Variants in FSCN1 observed in about 807,000 individuals in gnomAD.
FSCN1 encodes fascin.
A neutral mutation model predicts 39.7 loss-of-function variants in FSCN1; 10 were observed. The ratio of observed to expected loss-of-function variants is 0.25; its 90% CI spans 0.16 to 0.43. FSCN1 has a LOEUF of 0.43. Among genes scored for constraint, FSCN1 ranks in the 20% least tolerant of loss-of-function variants. The pLI is 1.00. For missense variants in FSCN1, 525 were observed against 723.8 expected, an observed-to-expected ratio of 0.73 and a Z score of 3.15; for synonymous variants, 322 against 320.0, an observed-to-expected ratio of 1.01 and a Z score of -0.07.
chr7:5,594,549 C>T (rs1428168139), intron 1 of FSCN1: 2 of 152,310 alleles, frequency 1.3e-5, no homozygotes, highest in African/African-American at 4.8e-5. Context: ...AGGGGATCGG[C>T]TTTTGCGGTT....
rs1275786730 is a variant in FSCN1, at chr7:5,606,257, G to T, written c.*783G>T. 6.6e-6 allele frequency: 1 copy of T among 152,166 alleles called. No homozygotes were observed. Among genetic ancestry groups the T allele is most frequent in the African/African-American group, 2.4e-5 (1 of 41,418 alleles). The allele number at this position is 152,166 out of a possible 1,614,324, so 9.4% of individuals were successfully genotyped here. A position where few individuals can be genotyped will look rare whatever the true frequency, so the allele number is the denominator to read the frequency against. ...TTTTTTTTAATGAAATATTATTGCT[G>T]GAGGCGTCCCAGGCAAGCCTGGCTG... On this transcript the variant is annotated 3_prime_UTR_variant, in exon 5 of 5. Transcript: ENST00000382361. This position sits in a 1 kb window ranked among gnomAD's most constrained non-coding sequence, Gnocchi z 5.1.
chr7:5,592,817 TG>T lies in FSCN1; in HGVS notation c.-118del. On this transcript the variant is annotated 5_prime_UTR_variant, in exon 1 of 5. Coordinates refer to ENST00000382361, the MANE Select transcript of FSCN1 (RefSeq NM_003088.4). This position sits in a 1 kb window ranked among gnomAD's most constrained non-coding sequence, Gnocchi z 5.3. Reference sequence around the variant, plus strand: ...CCGGGGCGCCGCTAGCTGGGCTTTGTGGAGCGCTGCGGAGGGTGCGTGCGGG... The same window carrying T: ...CCGGGGCGCCGCTAGCTGGGCTTTGTGAGCGCTGCGGAGGGTGCGTGCGGG... The T allele has an allele frequency of 1.6e-6, 1 of 610,342 alleles. No individual in the cohort carries two copies. Among genetic ancestry groups the T allele is most frequent in the Non-Finnish European group, 2.8e-6 (1 of 359,470 alleles). The allele number at this position is 610,342 out of a possible 1,614,324, so 37.8% of individuals were successfully genotyped here.
intron 4 of FSCN1, among the ~76,000 whole-genome samples, chr7:5,604,251 C>T (rs922918883): frequency 3.3e-5 from 5 of 149,996 alleles, no homozygotes; most frequent in Non-Finnish European, 5.9e-5. Context: ...CCTTGCCCAC[C>T]TGACAGAGAG....
At chr7:5,601,197 CTTTT>C (rs534109521) in intron 1 of FSCN1, among the ~76,000 whole-genome samples, 9,394 of 114,888 alleles carry the variant, frequency 0.082, 302 homozygotes, top group East Asian at 0.12. Context: ...TTCTTTCTTC[CTTTT>C]TTTTTTTTTT....
At position 5,605,168 on chromosome 7, in the gene FSCN1, G is replaced by T; in HGVS notation, c.1280-104G>T. On this transcript the variant is annotated intron_variant, in intron 4 of 4. Coordinates refer to ENST00000382361, the MANE Select transcript of FSCN1 (RefSeq NM_003088.4). The surrounding 1 kb of genome is among the most constrained non-coding windows in gnomAD (Gnocchi z 6.9). ...GGCTCATTCCGGAGCCGGGACTGGAGGGTGGGGCGTCACCCTTGGGAACAC... is the reference window on the plus strand; with the variant it reads ...GGCTCATTCCGGAGCCGGGACTGGATGGTGGGGCGTCACCCTTGGGAACAC... 1 of 799,384 alleles carries T rather than the reference G, an allele frequency of 1.3e-6. No individual in the cohort carries two copies. The highest frequency in any genetic ancestry group is 1.6e-5 in the South Asian group (1 of 62,076). The allele number at this position is 799,384 out of a possible 1,614,324, so 49.5% of individuals were successfully genotyped here. A position where few individuals can be genotyped will look rare whatever the true frequency, so the allele number is the denominator to read the frequency against.
chr7:5,604,704 C>T (rs997300201), intron 4 of FSCN1, among the ~76,000 whole-genome samples: 81 of 152,026 alleles, frequency 5.3e-4, no homozygotes, highest in African/African-American at 1.9e-3. Context: ...GGCGTTATCT[C>T]GGCTCTCTGC....
In FSCN1 at chr7:5,603,954, G is replaced by A. The variant is rs1183750647; in HGVS notation, c.1203G>A (p.Thr401=). Residue 401 remains threonine, a synonymous_variant, in exon 4 of 5, where the codon ACG becomes ACA. Coordinates refer to ENST00000382361, the MANE Select transcript of FSCN1 (RefSeq NM_003088.4). This position sits in a 1 kb window ranked among gnomAD's most constrained non-coding sequence, Gnocchi z 8.5. ...GCTTCATCGGCTGCCGCAAGGTCAC[G>A]GGCACCCTGGACGCCAACCGCTCCA... ...EHGFIGCRKV[T]GTLDANRSSY... The A allele has an allele frequency of 8.7e-6, 14 of 1,613,864 alleles. No individual in the cohort carries two copies. Among genetic ancestry groups the A allele is most frequent in the South Asian group, 2.2e-5 (2 of 91,088 alleles).
chr7:5,596,225 AC>A, intron 1 of FSCN1, among the ~76,000 whole-genome samples: 1 of 151,814 alleles, frequency 6.6e-6, no homozygotes. Context: ...TCTGCTTCCG[AC>A]ACACATGCTG....
In FSCN1 at chr7:5,593,031, A is replaced by G. The variant is rs757527460; in HGVS notation, c.95A>G (p.Lys32Arg). The stretch of plus-strand genomic sequence containing the variant: ...CTGACGGCCGAGGCGTTCGGGTTCA[A>G]GGTGAACGCGTCCGCCAGCAGCCTG... ...KYLTAEAFGF[K>R]VNASASSLKK... The change falls in exon 1 of 5, where the codon AAG becomes AGG. Residue 32 changes from lysine (K) to arginine (R), a missense_variant. Lys to Arg is a conservative substitution (Grantham distance 26). This residue lies in a region of FSCN1 where 246 missense variants were observed against 350.6 expected (regional missense o/e 0.70). Transcript: ENST00000382361. The G allele has an allele frequency of 6.3e-7, 1 of 1,598,644 alleles. No individual in the cohort carries two copies. Among genetic ancestry groups the G allele is most frequent in the Non-Finnish European group, 8.5e-7 (1 of 1,173,316 alleles).
At position 5,593,419 on chromosome 7, in the gene FSCN1, C is replaced by A; in HGVS notation, c.483C>A (p.Asp161Glu). 1 of 1,612,162 alleles carries A rather than the reference C, an allele frequency of 6.2e-7. No homozygotes were observed. Among genetic ancestry groups the A allele is most frequent in the Non-Finnish European group, 8.5e-7 (1 of 1,179,762 alleles). The change falls in exon 1 of 5, where the codon GAC becomes GAA. Residue 161 changes from aspartate (D) to glutamate (E), a missense_variant. Coordinates refer to ENST00000382361, the MANE Select transcript of FSCN1 (RefSeq NM_003088.4). ...CGCACCTGAGCGCGCGGCCGGCCGACGAGATCGCCGTGGACCGCGACGTGC... is the reference window on the plus strand; with the variant it reads ...CGCACCTGAGCGCGCGGCCGGCCGAAGAGATCGCCGTGGACCGCGACGTGC... ...RYAHLSARPA[D>E]EIAVDRDVPW... is the part of the protein sequence containing the mutation.
Position 5,603,270 on chromosome 7 carries a change from T to C in FSCN1, c.846T>C (p.Ser282=), listed in dbSNP as rs1437418244. 1.2e-6 allele frequency: 2 copies of C among 1,611,992 alleles called. No individual in the cohort carries two copies. The highest frequency in any genetic ancestry group is 2.2e-5 in the East Asian group (1 of 44,886). Residue 282 remains serine (S), a synonymous_variant, in exon 2 of 5, where the codon TCT becomes TCC. Coordinates refer to ENST00000382361, the MANE Select transcript of FSCN1 (RefSeq NM_003088.4). The surrounding 1 kb of genome is among the most constrained non-coding windows in gnomAD (Gnocchi z 8.5). ...NVSTRQGMDL[S]ANQDEETDQE... ...TCCTCTCTGCAGGTATGGACCTGTC[T>C]GCCAATCAGGACGAGGAGACCGACC...
rs758354528 is a variant in FSCN1 at position 5,604,072 on chromosome 7, G to A, written c.1279+42G>A. The A allele has an allele frequency of 7.4e-5, 117 of 1,588,712 alleles. 1 individual carries two copies. Among genetic ancestry groups the A allele is most frequent in the Non-Finnish European group, 9.4e-5 (109 of 1,163,934 alleles). ...GCAGCTGCTGGGCAGGGAACCCCTC[G>A]GTCGGGGCTGGGGTCAGTGCTGCGG... On this transcript the variant is annotated intron_variant, in intron 4 of 4. Coordinates refer to ENST00000382361, the MANE Select transcript of FSCN1 (RefSeq NM_003088.4).
At position 5,606,182 on chromosome 7, in the gene FSCN1, C is replaced by T. The variant is rs1051262625; in HGVS notation, c.*708C>T. On this transcript the variant is annotated 3_prime_UTR_variant, in exon 5 of 5. Transcript: ENST00000382361. The surrounding 1 kb of genome is among the most constrained non-coding windows in gnomAD (Gnocchi z 5.1). ...TGTGGGGGCCGTCTTCCTCCTGTCT[C>T]TTTCCTTTCACCCTAGCCTGACTGG... 6.6e-6 allele frequency: 1 copy of T among 152,196 alleles called. No homozygotes were observed. Among genetic ancestry groups the T allele is most frequent in the African/African-American group, 2.4e-5 (1 of 41,424 alleles). The allele number at this position is 152,196 out of a possible 1,614,324, so 9.4% of individuals were successfully genotyped here. A position where few individuals can be genotyped will look rare whatever the true frequency, so the allele number is the denominator to read the frequency against.
rs745932732 is a variant in FSCN1 at position 5,593,707 on chromosome 7, G to T, written c.771G>T (p.Glu257Asp). The T allele has an allele frequency of 8.8e-6, 14 of 1,593,714 alleles. No individual in the cohort carries two copies. In the East Asian group the frequency reaches 2.9e-4, roughly 33 times the overall value. The change falls in exon 1 of 5, where the codon GAG becomes GAT. Residue 257 changes from glutamate (E) to aspartate (D), a missense_variant. Around this residue, in one of 3 missense-constraint regions of FSCN1, gnomAD observed 275 missense variants for 351.9 expected, o/e 0.78. Transcript: ENST00000382361. ...KVGKDELFAL[E>D]QSCAQVVLQA... ...GCAAGGACGAGCTCTTTGCTCTGGA[G>T]CAGAGCTGCGCCCAGGTCGTGCTGC...
chr7:5,600,896 C>T (rs1441765574), intron 1 of FSCN1, among the ~76,000 whole-genome samples: 3 of 151,536 alleles, frequency 2.0e-5, no homozygotes, highest in Admixed American at 2.0e-4. Flanking sequence ...CCTCGTGATC[C>T]GCCTGCCTCG....
intron 1 of FSCN1, among the ~76,000 whole-genome samples, chr7:5,594,253 G>A (rs1232766666): frequency 2.6e-5 from 4 of 152,166 alleles, no homozygotes; most frequent in African/African-American, 7.2e-5. Context: ...GGGCGAGATG[G>A]GGGAGGTTAG....
chr7:5,604,091 G>A (rs1785885354), intron 4 of FSCN1, 61 bp downstream of exon 4: 4 of 1,498,720 alleles, frequency 2.7e-6, no homozygotes, highest in Non-Finnish European at 3.7e-6. Context: ...TGGGGTCAGT[G>A]CTGCGGGGAG....
chr7:5,599,120 A>G lies in FSCN1; in HGVS notation c.833-4137A>G, dbSNP rs1332339179. ...GGTGTGGCCTTAGGATGGTCCCGGC[A>G]CCCTGGGACCCAGCCCCTGCTCACC... On this transcript the variant is annotated intron_variant, in intron 1 of 4. Coordinates refer to ENST00000382361, the MANE Select transcript of FSCN1 (RefSeq NM_003088.4). The surrounding 1 kb of genome is among the most constrained non-coding windows in gnomAD (Gnocchi z 5.6). Among the ~76,000 whole-genome samples, 3 of 296 alleles carry G rather than the reference A, an allele frequency of 0.01. No homozygotes were observed. The highest frequency in any genetic ancestry group is 0.02 in the African/African-American group (2 of 102). The allele number at this position is 296 out of a possible 152,430, so 0.2% of individuals were successfully genotyped here.
intron 1 of FSCN1, among the ~76,000 whole-genome samples, chr7:5,598,244 C>G (rs1785765904): frequency 6.6e-6 from 1 of 152,252 alleles, no homozygotes; most frequent in Non-Finnish European, 1.5e-5. Context: ...CGGTGGGTGC[C>G]TCACTGGCTG....
Sources: allele counts gnomAD v4.1 joint callset (sites outside exome capture counted in the v4.1 genomes callset), GRCh38; gene constraint gnomAD v4.1.1; regional missense constraint gnomAD v4.1.1; non-coding constraint Gnocchi (gnomAD v3.1); transcripts MANE v1.5; gene names NCBI Gene and HGNC (gene_info 2026-07-23, HGNC 2026-07-21).